Variants in SRCIN1 observed in about 807,000 individuals in gnomAD.
SRCIN1 encodes the protein SRC kinase signaling inhibitor 1.
SRCIN1 carries 50 observed loss-of-function variants against 116.2 expected under a neutral mutation model. The ratio of observed to expected loss-of-function variants is 0.43; its 90% CI spans 0.34 to 0.54. SRCIN1 has a LOEUF of 0.54. Among genes scored for constraint, SRCIN1 ranks in the 20% least tolerant of loss-of-function variants. The pLI, the probability that SRCIN1 is intolerant of heterozygous loss-of-function variation, is 0.02. For synonymous variants in SRCIN1, 736 were observed against 750.0 expected (o/e 0.98, Z 0.30); for missense variants, 1,446 against 1,672.0 (o/e 0.86, Z 2.36).
Position 38,563,715 on chromosome 17 carries a change from C to T in SRCIN1, c.542-194G>A. On this transcript the variant is annotated intron_variant, in intron 4 of 18. Coordinates refer to ENST00000617146, the MANE Select transcript of SRCIN1 (RefSeq NM_025248.3). This position sits in a 1 kb window ranked among gnomAD's most constrained non-coding sequence, Gnocchi z 5.8. The stretch of plus-strand genomic sequence containing the variant: ...GGGCGCCAGGCCGGCTCTCCAGCCT[C>T]TCAAGGCACCCACTGGACTCCAGGC... The T allele has an allele frequency of 1.3e-6, 1 of 775,480 alleles. No homozygotes were observed. Among genetic ancestry groups the T allele is most frequent in the Non-Finnish European group, 2.2e-6 (1 of 457,302 alleles). The allele number at this position is 775,480 out of a possible 1,614,324, so 48.0% of individuals were successfully genotyped here. A position where few individuals can be genotyped will look rare whatever the true frequency, so the allele number is the denominator to read the frequency against.
At chr17:38,551,843 G>A in intron 14 of SRCIN1, 43 bp downstream of exon 14, 1 of 1,610,722 alleles carries the variant, frequency 6.2e-7, no homozygotes, top group Non-Finnish European at 8.5e-7. Context: ...AAGAATGTGT[G>A]AACCTGGCTC....
intron 1 of SRCIN1, among the ~76,000 whole-genome samples, chr17:38,581,466 CTTTTTTT>C (rs55779119): frequency 1.5e-5 from 2 of 134,696 alleles, no homozygotes; most frequent in Non-Finnish European, 3.2e-5. Flanking sequence ...ACACCCAGGT[CTTTTTTT>C]TTTTTTTTAA....
chr17:38,551,189 G>A lies in SRCIN1; in HGVS notation c.2928C>T (p.Ala976=). 6.3e-7 allele frequency: 1 copy of A among 1,588,094 alleles called. No individual in the cohort carries two copies. The highest frequency in any genetic ancestry group is 8.6e-7 in the Non-Finnish European group (1 of 1,163,606). The part of the protein sequence containing the change: ...PPKAPHGQKA[A]PRTEPSGRRG... ...TCCTCCCACTGGGCTCCGTTCGGGGGGCTGCCTTCTGGCCGTGGGGGGCCT... is the reference window on the plus strand; with the variant it reads ...TCCTCCCACTGGGCTCCGTTCGGGGAGCTGCCTTCTGGCCGTGGGGGGCCT... Residue 976 remains alanine (A), a synonymous_variant, in exon 15 of 19, where the codon GCC becomes GCT. Coordinates refer to ENST00000617146, the MANE Select transcript of SRCIN1 (RefSeq NM_025248.3).
Position 38,552,226 on chromosome 17 carries a change from G to A in SRCIN1, c.2481-94C>T. ...CTGAGGGAGGTGGGGTGGGAGGCAGGCTCTGGGATGCTGTGGGAGGGCCTG... is the reference window on the plus strand; with the variant it reads ...CTGAGGGAGGTGGGGTGGGAGGCAGACTCTGGGATGCTGTGGGAGGGCCTG... On this transcript the variant is annotated intron_variant, in intron 13 of 18. Coordinates refer to ENST00000617146, the MANE Select transcript of SRCIN1 (RefSeq NM_025248.3). The surrounding 1 kb of genome is among the most constrained non-coding windows in gnomAD (Gnocchi z 5.3). 6.6e-7 allele frequency: 1 copy of A among 1,525,424 alleles called. No individual in the cohort carries two copies. The highest frequency in any genetic ancestry group is 8.8e-7 in the Non-Finnish European group (1 of 1,131,618). The allele number at this position is 1,525,424 out of a possible 1,614,324, so 94.5% of individuals were successfully genotyped here.
chr17:38,566,090 C>T (rs145334947), intron 3 of SRCIN1, among the ~76,000 whole-genome samples: 167 of 152,144 alleles, frequency 1.1e-3, no homozygotes, highest in African/African-American at 3.4e-3. Context: ...CAGGCTAGTG[C>T]GGATGAGGGC....
chr17:38,551,689 G>A (rs745443117), intron 14 of SRCIN1, 197 bp downstream of exon 14: 21 of 818,302 alleles, frequency 2.6e-5, no homozygotes, highest in Non-Finnish European at 4.0e-5. Context: ...TTTGATTATT[G>A]TAGCTTTATA....
chr17:38,578,857 A>AG, intron 1 of SRCIN1, 66 bp from the exon 2 acceptor site: 6 of 1,424,662 alleles, frequency 4.2e-6, no homozygotes, highest in South Asian at 3.0e-5. Flanking sequence ...CCATCCCCCA[A>AG]GGGGGTCCCT....
chr17:38,570,568 T>C (rs901888781), intron 2 of SRCIN1, among the ~76,000 whole-genome samples: 1 of 152,222 alleles, frequency 6.6e-6, no homozygotes, highest in East Asian at 1.9e-4. Flanking sequence ...GCAAAAGAGA[T>C]AGAAGATGTT....
chr17:38,603,527 C>T (rs1909180745), intron 1 of SRCIN1, among the ~76,000 whole-genome samples: 1 of 152,116 alleles, frequency 6.6e-6, no homozygotes, highest in Non-Finnish European at 1.5e-5. Context: ...ACAGTGGGAG[C>T]CAGAAGGGGG....
chr17:38,562,930 G>A lies in SRCIN1; in HGVS notation c.741-10C>T, dbSNP rs765274113. On this transcript the variant is annotated splice_polypyrimidine_tract_variant and intron_variant, in intron 5 of 18. Transcript: ENST00000617146. This position sits in a 1 kb window ranked among gnomAD's most constrained non-coding sequence, Gnocchi z 4.2. ...GCGGTCCTGGATGTCCCTGGGAGAGGCGGGGAGACGGGGGTCACCACCCAT... is the reference window on the plus strand; with the variant it reads ...GCGGTCCTGGATGTCCCTGGGAGAGACGGGGAGACGGGGGTCACCACCCAT... The A allele has an allele frequency of 2.5e-6, 4 of 1,607,732 alleles. No homozygotes were observed. In the African/African-American group the frequency reaches 5.3e-5, roughly 21 times the overall value.
chr17:38,575,309 G>T (rs568495435), intron 2 of SRCIN1, among the ~76,000 whole-genome samples: 1 of 152,250 alleles, frequency 6.6e-6, no homozygotes, highest in East Asian at 1.9e-4. Context: ...GAGTGCAGTG[G>T]CACGATCATG....
chr17:38,588,542 G>A (rs1399201599), intron 1 of SRCIN1, among the ~76,000 whole-genome samples: 2 of 143,010 alleles, frequency 1.4e-5, no homozygotes, highest in Non-Finnish European at 2.9e-5. Flanking sequence ...AGGGAGGAAG[G>A]CCGGTGCCTG....
chr17:38,605,422 A>C (rs1597946678), intron 1 of SRCIN1, among the ~76,000 whole-genome samples: 8 of 58,024 alleles, frequency 1.4e-4, no homozygotes, highest in African/African-American at 3.3e-4. Context: ...GGCCCTCCCC[A>C]CCCAGTCTCC....
At chr17:38,534,044 GGCCCCACTGCAT>G (rs1353021816) in intron 18 of SRCIN1, among the ~76,000 whole-genome samples, 1 of 152,180 alleles carries the variant, frequency 6.6e-6, no homozygotes, top group Non-Finnish European at 1.5e-5. Flanking sequence ...CAGTGCAGGA[GGCCCCACTGCAT>G]GCCCTGCAAG....
intron 1 of SRCIN1, among the ~76,000 whole-genome samples, chr17:38,589,743 G>C (rs546171311): frequency 6.6e-6 from 1 of 152,318 alleles, no homozygotes; most frequent in African/African-American, 2.4e-5. Context: ...GGACAGGGCT[G>C]CTGGGACCCA....
Position 38,559,632 on chromosome 17 carries a change from T to A in SRCIN1, c.1978A>T (p.Ser660Cys), listed in dbSNP as rs1906076892. The change falls in exon 10 of 19, where the codon AGC (serine) becomes TGC (cysteine). Residue 660 changes from serine (S) to cysteine (C), a missense_variant. Ser to Cys is a moderately radical substitution (Grantham distance 112). This residue lies in a region of SRCIN1 where 398 missense variants were observed against 385.6 expected (regional missense o/e 1.03). Transcript: ENST00000617146. Reference protein sequence around the residue: ...MQLHLRGLQNSASDLRGQLQQ... With the variant: ...MQLHLRGLQNCASDLRGQLQQ... ...AGCTGGCCGCGCAAGTCACTGGCGC[T>A]GTTCTGCAGGCCTCGCAGGTGAAGC... 2 of 1,603,046 alleles carry A rather than the reference T, an allele frequency of 1.2e-6. No individual in the cohort carries two copies. The highest frequency in any genetic ancestry group is 1.1e-5 in the South Asian group (1 of 90,956).
Position 38,533,968 on chromosome 17 carries a change from TCCA to T in SRCIN1, c.3418-540_3418-538del, listed in dbSNP as rs142815334. 4.8e-4 allele frequency among the ~76,000 whole-genome samples: 73 copies of T among 151,862 alleles called. 1 individual carries two copies. Among genetic ancestry groups the T allele is most frequent in the Middle Eastern group, 6.8e-3 (2 of 294 alleles). On this transcript the variant is annotated intron_variant, in intron 18 of 18. Coordinates refer to ENST00000617146, the MANE Select transcript of SRCIN1 (RefSeq NM_025248.3). ...GGGAATAAACACTTCAAAGACCCCGTCCACCACCACCACCACCACCACCTGGAA... is the reference window on the plus strand; with the variant it reads ...GGGAATAAACACTTCAAAGACCCCGTCCACCACCACCACCACCACCTGGAA...
chr17:38,563,703 G>C lies in SRCIN1; in HGVS notation c.542-182C>G, dbSNP rs781491202. The C allele has an allele frequency of 1.2e-6, 1 of 862,838 alleles. No homozygotes were observed. The highest frequency in any genetic ancestry group is 1.4e-5 in the South Asian group (1 of 69,806). The allele number at this position is 862,838 out of a possible 1,614,324, so 53.4% of individuals were successfully genotyped here. A position where few individuals can be genotyped will look rare whatever the true frequency, so the allele number is the denominator to read the frequency against. ...TGCTGCCGGCGGGGGCGCCAGGCCG[G>C]CTCTCCAGCCTCTCAAGGCACCCAC... On this transcript the variant is annotated intron_variant, in intron 4 of 18. Coordinates refer to ENST00000617146, the MANE Select transcript of SRCIN1 (RefSeq NM_025248.3). The surrounding 1 kb of genome is among the most constrained non-coding windows in gnomAD (Gnocchi z 5.8).
Position 38,548,958 on chromosome 17 carries a change from A to G in SRCIN1, c.3117+98T>C. 2.2e-6 allele frequency: 3 copies of G among 1,382,394 alleles called. 1 individual carries two copies. The highest frequency in any genetic ancestry group is 5.3e-5 in the Admixed American group (2 of 37,584). The allele number at this position is 1,382,394 out of a possible 1,614,324, so 85.6% of individuals were successfully genotyped here. A position where few individuals can be genotyped will look rare whatever the true frequency, so the allele number is the denominator to read the frequency against. ...CCTCTTTCCTTCCATGTTCTCTGAG[A>G]AAGGGGTCTCTTTCCCACCCCAGAG... On this transcript the variant is annotated intron_variant, in intron 16 of 18. Transcript: ENST00000617146.
Sources: allele counts gnomAD v4.1 joint callset (sites outside exome capture counted in the v4.1 genomes callset), GRCh38; gene constraint gnomAD v4.1.1; regional missense constraint gnomAD v4.1.1; non-coding constraint Gnocchi (gnomAD v3.1); transcripts MANE v1.5; gene names NCBI Gene and HGNC (gene_info 2026-07-23, HGNC 2026-07-21).